Variants in SUGCT observed in about 807,000 individuals in gnomAD.
SUGCT encodes the protein succinyl-CoA:glutarate-CoA transferase.
SUGCT carries 41 observed loss-of-function variants against 55.0 expected under a neutral mutation model. That is an observed-to-expected ratio of 0.74 (90% CI 0.58 to 0.97). The LOEUF (loss-of-function observed/expected upper bound fraction) is 0.97. Ranked by LOEUF, SUGCT falls within the 50% of genes least tolerant of loss-of-function variation. The pLI, the probability that SUGCT is intolerant of heterozygous loss-of-function variation, is 0.00. For missense variants in SUGCT, 568 were observed against 547.8 expected, an observed-to-expected ratio of 1.04 and a Z score of -0.37; for synonymous variants, 187 against 200.4, an observed-to-expected ratio of 0.93 and a Z score of 0.56.
intron 9 of SUGCT, among the ~76,000 whole-genome samples, chr7:40,414,721 A>G (rs1165445607): frequency 6.6e-6 from 1 of 152,002 alleles, no homozygotes; most frequent in Non-Finnish European, 1.5e-5. Flanking sequence ...AGCCTTGTCA[A>G]CATGTTGAAA....
At chr7:40,232,381 A>G (rs1788771241) in intron 6 of SUGCT, among the ~76,000 whole-genome samples, 1 of 152,100 alleles carries the variant, frequency 6.6e-6, no homozygotes, top group Non-Finnish European at 1.5e-5. Context: ...CTGACTCTTA[A>G]CCCAGGGCAA....
chr7:40,389,437 G>A (rs1036610030), intron 9 of SUGCT, among the ~76,000 whole-genome samples: 3 of 73,518 alleles, frequency 4.1e-5, no homozygotes, highest in African/African-American at 1.6e-4. Context: ...GGGCACGCCT[G>A]TCTCAAAACA....
intron 13 of SUGCT, among the ~76,000 whole-genome samples, chr7:40,769,153 A>T (rs1345996580): frequency 6.6e-6 from 1 of 152,196 alleles, no homozygotes; most frequent in African/African-American, 2.4e-5. Flanking sequence ...CGAACATAGC[A>T]GTAATAGTAG....
chr7:40,177,597 C>T (rs1784990021), intron 1 of SUGCT, among the ~76,000 whole-genome samples: 1 of 152,062 alleles, frequency 6.6e-6, no homozygotes, highest in Admixed American at 6.6e-5. Flanking sequence ...TAATATTTGT[C>T]CAGTTTCTTT....
intron 13 of SUGCT, among the ~76,000 whole-genome samples, chr7:40,795,863 A>AG (rs1790530006): frequency 6.6e-6 from 1 of 152,212 alleles, no homozygotes; most frequent in South Asian, 2.1e-4. Flanking sequence ...TTGTGCCAAA[A>AG]CATTATGAAG....
chr7:40,982,393 G>A, the SUGCT span, among the ~76,000 whole-genome samples: 1 of 152,138 alleles, frequency 6.6e-6, no homozygotes, highest in Non-Finnish European at 1.5e-5. Flanking sequence ...GACTTTTAGG[G>A]TTAGGGTTAG....
intron 1 of SUGCT, among the ~76,000 whole-genome samples, chr7:40,165,991 A>G (rs1293055775): frequency 6.6e-6 from 1 of 152,184 alleles, no homozygotes; most frequent in Admixed American, 6.5e-5. Flanking sequence ...ATGTGGTGGC[A>G]CACGCCTGTA....
chr7:40,786,537 A>C (rs2128742081), intron 13 of SUGCT, among the ~76,000 whole-genome samples: 1 of 152,342 alleles, frequency 6.6e-6, no homozygotes, highest in East Asian at 1.9e-4. Flanking sequence ...TAGCAGAAAC[A>C]ATTCCAAATA....
chr7:40,377,449 G>T, intron 9 of SUGCT, among the ~76,000 whole-genome samples: 1 of 151,182 alleles, frequency 6.6e-6, no homozygotes, highest in Non-Finnish European at 1.5e-5. Context: ...CACCATGCTG[G>T]CCAGGCTGGT....
At chr7:40,366,649 A>C (rs542712422) in intron 9 of SUGCT, among the ~76,000 whole-genome samples, 7 of 152,282 alleles carry the variant, frequency 4.6e-5, no homozygotes, top group African/African-American at 9.6e-5. Context: ...ATGCAGCCAA[A>C]AGACACATGA....
chr7:40,229,400 T>A (rs1205224730), intron 6 of SUGCT, among the ~76,000 whole-genome samples: 4 of 151,512 alleles, frequency 2.6e-5, no homozygotes, highest in African/African-American at 7.3e-5. Context: ...GCGCCTATAG[T>A]CCCAGCTACT....
At chr7:40,504,663 G>A (rs1166536944) in intron 12 of SUGCT, among the ~76,000 whole-genome samples, 1 of 151,990 alleles carries the variant, frequency 6.6e-6, no homozygotes, top group Non-Finnish European at 1.5e-5. Flanking sequence ...CGAACTCCTG[G>A]CCTCAAATGA....
chr7:40,944,748 C>A, the SUGCT span, among the ~76,000 whole-genome samples: 2 of 147,920 alleles, frequency 1.4e-5, no homozygotes, highest in Admixed American at 6.9e-5. Context: ...CTTGGCAATG[C>A]GGGCTCTAAT....
At chr7:41,006,731 C>T in the SUGCT span, among the ~76,000 whole-genome samples, 1 of 152,212 alleles carries the variant, frequency 6.6e-6, no homozygotes, top group Non-Finnish European at 1.5e-5. Flanking sequence ...ATATGGAATT[C>T]AGCCAGTCTA....
At chr7:40,770,686 C>T (rs1487215148) in intron 13 of SUGCT, among the ~76,000 whole-genome samples, 1 of 152,088 alleles carries the variant, frequency 6.6e-6, no homozygotes, top group Non-Finnish European at 1.5e-5. Flanking sequence ...AACAGATGCC[C>T]TATTTCTATG....
At chr7:40,243,603 T>TTG (rs1789611771) in intron 7 of SUGCT, among the ~76,000 whole-genome samples, 1 of 151,602 alleles carries the variant, frequency 6.6e-6, no homozygotes. Flanking sequence ...CTGTGTGTGT[T>TTG]TGTGTGTGTG....
chr7:40,527,041 T>G (rs902339880), intron 12 of SUGCT, among the ~76,000 whole-genome samples: 1 of 152,242 alleles, frequency 6.6e-6, no homozygotes, highest in East Asian at 1.9e-4. Context: ...ACAAATGGCA[T>G]CGCTTATAAA....
At chr7:40,215,327 A>AT (rs1306597677) in intron 6 of SUGCT, among the ~76,000 whole-genome samples, 5 of 151,744 alleles carry the variant, frequency 3.3e-5, no homozygotes, top group Admixed American at 6.6e-5. Context: ...ATTTTATTTT[A>AT]TTTTTTTGTA....
intron 12 of SUGCT, among the ~76,000 whole-genome samples, chr7:40,583,853 A>G (rs557475800): frequency 1.3e-5 from 2 of 152,328 alleles, no homozygotes; most frequent in South Asian, 4.1e-4. Flanking sequence ...TGCTTATGTA[A>G]CCCAGTTCAG....
Sources: gnomAD v4.1 joint callset for allele counts (sites outside exome capture counted in the v4.1 genomes callset) on GRCh38, gnomAD v4.1.1 for gene constraint, MANE v1.5 for transcripts, NCBI Gene and HGNC (gene_info 2026-07-23, HGNC 2026-07-21) for gene names.